LMX1B: variants seen among roughly 807,000 people sequenced by gnomAD.
The protein encoded by LMX1B is LIM homeobox transcription factor 1-beta.
LMX1B carries 12 observed loss-of-function variants against 51.4 expected under a neutral mutation model. That is an observed-to-expected ratio of 0.23 (90% confidence interval 0.15 to 0.38). The LOEUF (loss-of-function observed/expected upper bound fraction) is 0.38. Among genes scored for constraint, LMX1B ranks in the 10% least tolerant of loss-of-function variants. The probability of loss-of-function intolerance (pLI) is 1.00; values close to 1 mark genes in which losing one functional copy is unlikely to be tolerated. For missense variants in LMX1B, 445 were observed against 571.1 expected (o/e 0.78, Z 2.25); for synonymous variants, 237 against 235.4 (o/e 1.01, Z -0.06).
intron 2 of LMX1B, among the ~76,000 whole-genome samples, chr9:126,665,232 G>GTCCA (rs1209432909): frequency 1.3e-5 from 2 of 152,184 alleles, no homozygotes; most frequent in African/African-American, 4.8e-5. Context: ...CTCCTCCACG[G>GTCCA]TCCATCGTAA....
intron 2 of LMX1B, among the ~76,000 whole-genome samples, chr9:126,642,552 A>G (rs569206740): frequency 3.3e-5 from 5 of 152,160 alleles, no homozygotes; most frequent in Admixed American, 3.3e-4. Flanking sequence ...GGTTGCCTGG[A>G]GGGGCTGGCC....
chr9:126,686,996 G>A (rs1419813509), intron 2 of LMX1B, among the ~76,000 whole-genome samples: 1 of 152,186 alleles, frequency 6.6e-6, no homozygotes, highest in Non-Finnish European at 1.5e-5. Flanking sequence ...GTGGTGAGAA[G>A]GAGGCACAGT....
chr9:126,688,285 C>T (rs2029983534), intron 2 of LMX1B, among the ~76,000 whole-genome samples: 1 of 152,242 alleles, frequency 6.6e-6, no homozygotes, highest in Non-Finnish European at 1.5e-5. Flanking sequence ...ACAGCCAGCA[C>T]TGTGGCTTTG....
At chr9:126,650,768 C>T (rs947645040) in intron 2 of LMX1B, among the ~76,000 whole-genome samples, 4 of 152,182 alleles carry the variant, frequency 2.6e-5, no homozygotes, top group Admixed American at 1.3e-4. Flanking sequence ...AAACTTGCTG[C>T]GCATCCTTTC....
chr9:126,615,584 T>A lies in LMX1B; in HGVS notation c.326+15T>A, dbSNP rs375989490. The A allele has an allele frequency of 6.3e-7, 1 of 1,596,794 alleles. No homozygotes were observed. Among genetic ancestry groups the A allele is most frequent in the Non-Finnish European group, 8.5e-7 (1 of 1,171,834 alleles). ...GACTACCAACAGTAAGCGCTTCTCG[T>A]CCTCCTTCCCCGCCACCGCCCGGCA... On this transcript the variant is annotated intron_variant, in intron 2 of 7. Coordinates refer to ENST00000373474, the MANE Select transcript of LMX1B (RefSeq NM_001174147.2). This position sits in a 1 kb window ranked among gnomAD's most constrained non-coding sequence, Gnocchi z 6.0.
At position 126,615,060 on chromosome 9, in the gene LMX1B, G is replaced by T. The variant is rs563018846; in HGVS notation, c.140-323G>T. 2.0e-5 allele frequency among the ~76,000 whole-genome samples: 3 copies of T among 152,260 alleles called. No individual in the cohort carries two copies. Among genetic ancestry groups the T allele is most frequent in the African/African-American group, 7.2e-5 (3 of 41,570 alleles). Reference sequence around the variant, plus strand: ...CGAGCGCCCCAGCCTCACCTCGCCTGTCTTGGTCCCAGCCGGCCACCCTGC... The same window carrying T: ...CGAGCGCCCCAGCCTCACCTCGCCTTTCTTGGTCCCAGCCGGCCACCCTGC... On this transcript the variant is annotated intron_variant, in intron 1 of 7. Transcript: ENST00000373474. This position sits in a 1 kb window ranked among gnomAD's most constrained non-coding sequence, Gnocchi z 6.0.
intron 1 of LMX1B, 21 bp downstream of exon 1, chr9:126,614,609 C>A (rs752863245): frequency 3.9e-6 from 6 of 1,545,078 alleles, no homozygotes; most frequent in South Asian, 1.2e-5. Flanking sequence ...GGTCGGAACG[C>A]CCGAGTGGTC....
chr9:126,699,793 T>C lies in LMX1B; in HGVS notation c.*3342T>C, dbSNP rs4083645. 0.26 allele frequency: 40,190 copies of C among 151,994 alleles called. 5,380 individuals are homozygous for C. Among genetic ancestry groups the C allele is most frequent in the South Asian group, 0.37 (1,756 of 4,800 alleles). The allele number at this position is 151,994 out of a possible 1,614,324, so 9.4% of individuals were successfully genotyped here. On this transcript the variant is annotated 3_prime_UTR_variant, in exon 8 of 8. Transcript: ENST00000373474. ...TTCAGGGCCACCCAGCAGAAGCCTGTGGGGCTGGGCAACCTTCTCCCACTT... is the reference window on the plus strand; with the variant it reads ...TTCAGGGCCACCCAGCAGAAGCCTGCGGGGCTGGGCAACCTTCTCCCACTT...
In LMX1B at chr9:126,682,912, A is replaced by AAAAG. The variant is rs998500102; in HGVS notation, c.327-7912_327-7909dup. Among the ~76,000 whole-genome samples the AAAAG allele has an allele frequency of 1.2e-3, 174 of 148,628 alleles. 1 individual carries two copies. Among genetic ancestry groups the AAAAG allele is most frequent in the South Asian group, 3.6e-3 (17 of 4,762 alleles). ...TCTGTCTGAAAAAAAAAAAAAAAAA[A>AAAAG]AAAGAAAGAAAGAAATATTTGTGGA... On this transcript the variant is annotated intron_variant, in intron 2 of 7. Transcript: ENST00000373474.
chr9:126,614,413 G>T lies in LMX1B; in HGVS notation c.-37G>T. ...GGGTGGACGGGCCGGCGGGCGAGCA[G>T]CCCGGCCGGCGGGGTCCGCAGCGCG... On this transcript the variant is annotated 5_prime_UTR_variant, in exon 1 of 8. Transcript: ENST00000373474. 3 of 1,419,710 alleles carry T rather than the reference G, an allele frequency of 2.1e-6. No homozygotes were observed. Among genetic ancestry groups the T allele is most frequent in the Non-Finnish European group, 2.8e-6 (3 of 1,081,400 alleles). The allele number at this position is 1,419,710 out of a possible 1,614,324, so 87.9% of individuals were successfully genotyped here.
intron 2 of LMX1B, among the ~76,000 whole-genome samples, chr9:126,652,382 T>C (rs1836035510): frequency 6.6e-6 from 1 of 152,122 alleles, no homozygotes. Flanking sequence ...AGTCTCCTTA[T>C]CAGCTGGGGG....
In LMX1B at chr9:126,677,426, AC is replaced by A. The variant is rs1836584260; in HGVS notation, c.327-13409del. Reference sequence around the variant, plus strand: ...GCCCACCCACTACTGCTATGTCTCCACAAAAAGCCCGGCACAACAGGTCACT... The same window carrying A: ...GCCCACCCACTACTGCTATGTCTCCAAAAAAGCCCGGCACAACAGGTCACT... On this transcript the variant is annotated intron_variant, in intron 2 of 7. Transcript: ENST00000373474. The surrounding 1 kb of genome is among the most constrained non-coding windows in gnomAD (Gnocchi z 5.0). 6.6e-6 allele frequency among the ~76,000 whole-genome samples: 1 copy of A among 152,006 alleles called. No homozygotes were observed. The highest frequency in any genetic ancestry group is 2.4e-5 in the African/African-American group (1 of 41,356).
In LMX1B at chr9:126,696,605, C is replaced by T. The variant is rs1253980293; in HGVS notation, c.*154C>T. ...GCCAGCTGGGCCTGACCACTGTGCC[C>T]GTTGGGTACAGCCAGACCGGTAGAT... is the stretch of plus-strand genomic sequence containing the variant. On this transcript the variant is annotated 3_prime_UTR_variant, in exon 8 of 8. Coordinates refer to ENST00000373474, the MANE Select transcript of LMX1B (RefSeq NM_001174147.2). 25 of 813,168 alleles carry T rather than the reference C, an allele frequency of 3.1e-5. No homozygotes were observed. Among genetic ancestry groups the T allele is most frequent in the Admixed American group, 2.0e-4 (9 of 45,240 alleles). The allele number at this position is 813,168 out of a possible 1,614,324, so 50.4% of individuals were successfully genotyped here.
chr9:126,691,890 C>T (rs1324891940), intron 3 of LMX1B, among the ~76,000 whole-genome samples: 2 of 152,210 alleles, frequency 1.3e-5, no homozygotes, highest in African/African-American at 2.4e-5. Flanking sequence ...TGCTCTAGCC[C>T]CCAAAAGGAC....
At chr9:126,661,346 C>T (rs956505857) in intron 2 of LMX1B, among the ~76,000 whole-genome samples, 7 of 152,030 alleles carry the variant, frequency 4.6e-5, no homozygotes, top group African/African-American at 1.7e-4. Context: ...GTTGGCTTCT[C>T]TCCAGGAACT....
At chr9:126,646,833 G>C (rs949953745) in intron 2 of LMX1B, among the ~76,000 whole-genome samples, 1 of 152,200 alleles carries the variant, frequency 6.6e-6, no homozygotes, top group Non-Finnish European at 1.5e-5. Context: ...GCTGGCTCTG[G>C]AATCGCTAAG....
At chr9:126,619,895 T>C (rs1202832687) in intron 2 of LMX1B, among the ~76,000 whole-genome samples, 6 of 152,136 alleles carry the variant, frequency 3.9e-5, no homozygotes, top group Admixed American at 6.5e-5. Flanking sequence ...CCCTGTCCAT[T>C]GGAGCCAGGC....
intron 2 of LMX1B, among the ~76,000 whole-genome samples, chr9:126,633,724 C>T (rs754756548): frequency 5.3e-5 from 8 of 152,200 alleles, no homozygotes; most frequent in African/African-American, 7.2e-5. Context: ...TTATACAGCA[C>T]GCACATAATT....
intron 2 of LMX1B, among the ~76,000 whole-genome samples, chr9:126,655,157 C>T (rs1371127827): frequency 1.3e-5 from 2 of 152,250 alleles, no homozygotes; most frequent in African/African-American, 4.8e-5. Flanking sequence ...GGATAATCAA[C>T]TTTTTGGAGG....
Sources: allele counts gnomAD v4.1 joint callset (sites outside exome capture counted in the v4.1 genomes callset), GRCh38; gene constraint gnomAD v4.1.1; non-coding constraint Gnocchi (gnomAD v3.1); transcripts MANE v1.5; gene names NCBI Gene and HGNC (gene_info 2026-07-23, HGNC 2026-07-21).